CRY2: variants seen among roughly 807,000 people sequenced by gnomAD.
The protein encoded by CRY2 is cryptochrome circadian regulator 2.
A neutral mutation model predicts 69.5 loss-of-function variants in CRY2; 31 were observed. The observed-to-expected ratio is 0.45, with a 90% confidence interval of 0.34 to 0.60. CRY2 has a LOEUF of 0.60. CRY2 is among the 20% of genes least tolerant of loss of function. CRY2 has a pLI of 0.02. For missense variants in CRY2, 606 were observed against 797.8 expected, an observed-to-expected ratio of 0.76 and a Z score of 2.90; for synonymous variants, 303 against 312.2, an observed-to-expected ratio of 0.97 and a Z score of 0.31.
At chr11:45,859,551 G>T (rs1334610614) in intron 3 of CRY2, among the ~76,000 whole-genome samples, 1 of 147,008 alleles carries the variant, frequency 6.8e-6, no homozygotes, top group African/African-American at 2.5e-5. Context: ...GACAGAGCAA[G>T]ATCCTGTGTC....
intron 3 of CRY2, among the ~76,000 whole-genome samples, chr11:45,859,441 A>G (rs2086269463): frequency 6.6e-6 from 1 of 152,038 alleles, no homozygotes; most frequent in South Asian, 2.1e-4. Flanking sequence ...ACATGCCTGT[A>G]GTCCCAATTA....
intron 6 of CRY2, among the ~76,000 whole-genome samples, chr11:45,868,700 C>G (rs1299459015): frequency 6.6e-6 from 1 of 152,164 alleles, no homozygotes; most frequent in Non-Finnish European, 1.5e-5. Flanking sequence ...GTGGTATGAT[C>G]ACAGCTCACT....
Position 45,847,629 on chromosome 11 carries a change from G to T in CRY2, c.139G>T (p.Ala47Ser). ...NPALLAAVRG[A>S]RCVRCVYILD... ...GGCGTTGCTGGCGGCCGTGCGCGGG[G>T]CGCGCTGCGTGCGCTGCGTTTACAT... Residue 47 changes from alanine to serine, a missense_variant, in exon 1 of 12, where the codon GCG becomes TCG. Physicochemically the swap from Ala to Ser is moderately conservative, Grantham distance 99. Transcript: ENST00000616080. 1 of 1,602,448 alleles carries T rather than the reference G, an allele frequency of 6.2e-7. No individual in the cohort carries two copies. Among genetic ancestry groups the T allele is most frequent in the Non-Finnish European group, 8.5e-7 (1 of 1,175,446 alleles).
At chr11:45,875,537 T>C (rs747609749) in intron 11 of CRY2, among the ~76,000 whole-genome samples, 2 of 152,190 alleles carry the variant, frequency 1.3e-5, no homozygotes, top group African/African-American at 2.4e-5. Flanking sequence ...TGCCCGTCTC[T>C]TGCCCTGGAG....
chr11:45,867,672 ACAGGCCT>A lies in CRY2; in HGVS notation c.806_812del (p.Gly269AlafsTer25). 6.2e-7 allele frequency: 1 copy of A among 1,614,176 alleles called. No homozygotes were observed. The highest frequency in any genetic ancestry group is 8.5e-7 in the Non-Finnish European group (1 of 1,180,028). ...CGCCAACTCCCTCCTGGCCAGCCCCACAGGCCTCAGCCCCTACCTGCGCTTTGGTTGT... is the reference window on the plus strand; with the variant it reads ...CGCCAACTCCCTCCTGGCCAGCCCCACAGCCCCTACCTGCGCTTTGGTTGT... On this transcript the variant is annotated frameshift_variant, in exon 6 of 12. Transcript: ENST00000616080. LOFTEE classifies it high-confidence loss of function.
At chr11:45,879,608 G>A (rs2086452579) in intron 11 of CRY2, among the ~76,000 whole-genome samples, 1 of 151,916 alleles carries the variant, frequency 6.6e-6, no homozygotes, top group African/African-American at 2.4e-5. Flanking sequence ...TTCCTTTTTT[G>A]GCTCTGCCAC....
intron 4 of CRY2, chr11:45,861,750 G>T: frequency 2.9e-6 from 1 of 347,526 alleles, no homozygotes; most frequent in Non-Finnish European, 5.4e-6. Context: ...CTTTTGATCT[G>T]AACAAAGCTA....
chr11:45,855,388 C>T (rs1040845285), intron 1 of CRY2, among the ~76,000 whole-genome samples: 1 of 152,178 alleles, frequency 6.6e-6, no homozygotes, highest in Non-Finnish European at 1.5e-5. Context: ...GTCTTTTCCA[C>T]CAGAGTAAGG....
At position 45,873,541 on chromosome 11, in the gene CRY2, G is replaced by A. The variant is rs556312169; in HGVS notation, c.*2+1308G>A. ...TTGCCAGGCTGACACTCTGATTTTC[G>A]GATGAGAAGACCAAAGAACAGAGAG... On this transcript the variant is annotated intron_variant, in intron 11 of 11. Transcript: ENST00000616080. 8.5e-5 allele frequency among the ~76,000 whole-genome samples: 13 copies of A among 152,292 alleles called. No homozygotes were observed. The South Asian group carries it at 1.5e-3, about 17-fold the overall frequency.
chr11:45,883,223 A>G lies in CRY2; in HGVS notation c.*2312A>G, dbSNP rs1343119619. 1 of 153,150 alleles carries G rather than the reference A, an allele frequency of 6.5e-6. No homozygotes were observed. The highest frequency in any genetic ancestry group is 1.5e-5 in the Non-Finnish European group (1 of 68,392). The allele number at this position is 153,150 out of a possible 1,614,324, so 9.5% of individuals were successfully genotyped here. On this transcript the variant is annotated 3_prime_UTR_variant, in exon 12 of 12. Transcript: ENST00000616080. Reference sequence around the variant, plus strand: ...TTGTTTGTGAATATTCACTTGTTTTATAAATGTCTGACCTGTCTTGAGTAA... The same window carrying G: ...TTGTTTGTGAATATTCACTTGTTTTGTAAATGTCTGACCTGTCTTGAGTAA...
Position 45,872,093 on chromosome 11 carries a change from C to T in CRY2, c.1644C>T (p.Gly548=). ...SSQAGSMSSA[G]PRPLPSGPAS... ...ACCCTTTGACACGCTTCCCTACAGG[C>T]CCAAGACCACTACCCAGTGGCCCAG... Residue 548 remains glycine, a splice_region_variant and synonymous_variant, in exon 11 of 12, where the codon GGC becomes GGT. Coordinates refer to ENST00000616080, the MANE Select transcript of CRY2 (RefSeq NM_021117.5). The T allele has an allele frequency of 6.2e-7, 1 of 1,614,024 alleles. No homozygotes were observed. The highest frequency in any genetic ancestry group is 8.5e-7 in the Non-Finnish European group (1 of 1,179,914).
At chr11:45,876,232 G>A (rs2086423441) in intron 11 of CRY2, among the ~76,000 whole-genome samples, 1 of 151,010 alleles carries the variant, frequency 6.6e-6, no homozygotes, top group African/African-American at 2.4e-5. Context: ...TTAGCTCTGA[G>A]CTCTATAGTT....
Position 45,847,701 on chromosome 11 carries a change from T to C in CRY2, c.211T>C (p.Trp71Arg). The C allele has an allele frequency of 6.4e-7, 1 of 1,566,978 alleles. No individual in the cohort carries two copies. The change falls in exon 1 of 12, where the codon TGG becomes CGG. Residue 71 changes from tryptophan (W) to arginine (R), a missense_variant. By Grantham distance (101) the Trp-to-Arg change is moderately radical. Transcript: ENST00000616080. ...AASSSVGINRWRFLLQSLEDL... is the reference protein window; with the variant it reads ...AASSSVGINRRRFLLQSLEDL... The stretch of plus-strand genomic sequence containing the variant: ...CTCCTCCTCAGTCGGGATCAACCGA[T>C]GGAGGTGAGGGGACCCGGGGCTGGG...
At chr11:45,862,032 C>A in intron 4 of CRY2, 28 bp from the exon 5 acceptor site, 1 of 1,600,610 alleles carries the variant, frequency 6.2e-7, no homozygotes, top group Non-Finnish European at 8.5e-7. Context: ...GTCAAACCTC[C>A]TGTCTTGTGA....
intron 6 of CRY2, 55 bp from the exon 7 acceptor site, chr11:45,869,451 A>T: frequency 6.5e-7 from 1 of 1,536,490 alleles, no homozygotes; most frequent in South Asian, 1.2e-5. Flanking sequence ...CCTGAGAGGC[A>T]CCATGCTAAG....
intron 2 of CRY2, among the ~76,000 whole-genome samples, chr11:45,856,534 C>G (rs947170457): frequency 6.6e-6 from 1 of 152,236 alleles, no homozygotes; most frequent in Non-Finnish European, 1.5e-5. Flanking sequence ...AGGTGGCTCA[C>G]GCCTGTAATC....
upstream of CRY2, chr11:45,847,149 C>G: frequency 6.5e-7 from 1 of 1,536,260 alleles, no homozygotes; most frequent in Non-Finnish European, 8.8e-7. Context: ...CTGAACAGGA[C>G]GTGGGTAAGA....
chr11:45,859,163 CTG>C (rs780605848), intron 3 of CRY2, among the ~76,000 whole-genome samples: 1 of 152,136 alleles, frequency 6.6e-6, no homozygotes, highest in Non-Finnish European at 1.5e-5. Context: ...CGAGTCCCAC[CTG>C]TGCCTCATAT....
chr11:45,870,028 G>A (rs764803913), intron 7 of CRY2, 25 bp from the exon 8 acceptor site: 5 of 1,571,632 alleles, frequency 3.2e-6, no homozygotes, highest in Non-Finnish European at 4.3e-6. Context: ...CCCCAAGGAG[G>A]CTGATCATCC....
Sources: allele counts gnomAD v4.1 joint callset (sites outside exome capture counted in the v4.1 genomes callset), GRCh38; gene constraint gnomAD v4.1.1; transcripts MANE v1.5; gene names NCBI Gene and HGNC (gene_info 2026-07-23, HGNC 2026-07-21).